ITPR1: variants seen among roughly 807,000 people sequenced by gnomAD.
ITPR1 encodes inositol 1,4,5-trisphosphate-gated calcium channel ITPR1.
ITPR1 carries 96 observed loss-of-function variants against 318.4 expected under a neutral mutation model. The observed-to-expected ratio is 0.30, with a 90% CI of 0.26 to 0.36. The LOEUF (loss-of-function observed/expected upper bound fraction) is 0.36, where lower values mean the gene tolerates loss of function less well. Ranked by LOEUF, ITPR1 falls within the 10% of genes least tolerant of loss-of-function variation. The pLI, the probability that ITPR1 is intolerant of heterozygous loss-of-function variation, is 1.00. For missense variants in ITPR1, 2,440 were observed against 3,460.2 expected, an observed-to-expected ratio of 0.71 and a Z score of 7.40; for synonymous variants, 1,312 against 1,289.9, an observed-to-expected ratio of 1.02 and a Z score of -0.37.
chr3:4,753,544 A>G (rs777221295), intron 44 of ITPR1, among the ~76,000 whole-genome samples: 1 of 152,104 alleles, frequency 6.6e-6, no homozygotes, highest in Non-Finnish European at 1.5e-5. Flanking sequence ...GTGGGGAGAC[A>G]TGAAGAGTCC....
chr3:4,565,630 A>G (rs1260396694), intron 4 of ITPR1, among the ~76,000 whole-genome samples: 1 of 152,228 alleles, frequency 6.6e-6, no homozygotes, highest in African/African-American at 2.4e-5. Flanking sequence ...GTTCCCACAG[A>G]GAGCAGGCTG....
chr3:4,665,747 C>T (rs184634308), intron 17 of ITPR1, among the ~76,000 whole-genome samples: 1 of 152,216 alleles, frequency 6.6e-6, no homozygotes, highest in African/African-American at 2.4e-5. Flanking sequence ...ATATCTTATA[C>T]ATAGTTATAT....
intron 42 of ITPR1, among the ~76,000 whole-genome samples, chr3:4,730,868 C>T (rs570913481): frequency 3.3e-5 from 5 of 152,218 alleles, no homozygotes; most frequent in Admixed American, 6.5e-5. Flanking sequence ...TTCAGATTCC[C>T]GTTGCGATGG....
At chr3:4,535,577 G>C (rs2083795594) in intron 4 of ITPR1, among the ~76,000 whole-genome samples, 2 of 151,202 alleles carry the variant, frequency 1.3e-5, no homozygotes. Flanking sequence ...CGAGTAGCTG[G>C]GACTACAGGT....
intron 61 of ITPR1, among the ~76,000 whole-genome samples, chr3:4,843,377 T>G (rs2106555438): frequency 6.6e-6 from 1 of 152,294 alleles, no homozygotes; most frequent in South Asian, 2.1e-4. Flanking sequence ...AAGTATATAC[T>G]CAAAATGATC....
chr3:4,640,685 A>G (rs966567224), intron 6 of ITPR1, among the ~76,000 whole-genome samples: 2 of 152,244 alleles, frequency 1.3e-5, no homozygotes, highest in Non-Finnish European at 2.9e-5. Flanking sequence ...AAATCTTGCC[A>G]TGTATCACTT....
chr3:4,738,730 AT>A (rs2043470098), intron 44 of ITPR1, among the ~76,000 whole-genome samples: 1 of 151,858 alleles, frequency 6.6e-6, no homozygotes, highest in African/African-American at 2.4e-5. Context: ...TAAGGTCATT[AT>A]GAATATTAGT....
At chr3:4,708,817 A>G (rs759843594) in intron 37 of ITPR1, among the ~76,000 whole-genome samples, 2 of 152,236 alleles carry the variant, frequency 1.3e-5, no homozygotes, top group Admixed American at 1.3e-4. Flanking sequence ...AAGTTGTAAT[A>G]TAAGAAATTC....
chr3:4,766,770 C>A, intron 45 of ITPR1, 60 bp downstream of exon 45: 9 of 1,347,318 alleles, frequency 6.7e-6, no homozygotes, highest in Non-Finnish European at 9.1e-6. Context: ...TCCTTGTTAT[C>A]CTTCATTGTT....
chr3:4,780,256 CT>C (rs1303416613), intron 49 of ITPR1, among the ~76,000 whole-genome samples: 1 of 152,140 alleles, frequency 6.6e-6, no homozygotes, highest in Non-Finnish European at 1.5e-5. Context: ...TTTTTCTTTC[CT>C]CGTTTGCTGC....
At chr3:4,716,229 C>T (rs545603089) in intron 39 of ITPR1, among the ~76,000 whole-genome samples, 1 of 152,242 alleles carries the variant, frequency 6.6e-6, no homozygotes, top group African/African-American at 2.4e-5. Flanking sequence ...AATAACCTCC[C>T]ACAGCTAAAT....
intron 39 of ITPR1, among the ~76,000 whole-genome samples, chr3:4,714,149 G>A (rs929143870): frequency 6.6e-6 from 1 of 152,114 alleles, no homozygotes; most frequent in African/African-American, 2.4e-5. Flanking sequence ...TGGCTGCCCC[G>A]TTTGACTAAA....
rs781081369 is a variant in ITPR1, at chr3:4,665,175, G to A, written c.1592G>A (p.Gly531Asp). The A allele has an allele frequency of 6.2e-7, 1 of 1,614,038 alleles. No homozygotes were observed. Among genetic ancestry groups the A allele is most frequent in the South Asian group, 1.1e-5 (1 of 91,082 alleles). The change falls in exon 17 of 62, where the codon GGT becomes GAT. Residue 531 changes from glycine to aspartate, a missense_variant. Physicochemically the swap from Gly to Asp is moderately conservative, Grantham distance 94 (BLOSUM62 -1). Coordinates refer to ENST00000649015, the MANE Select transcript of ITPR1 (RefSeq NM_001378452.1). ...KLLQAPFTDCGDGPMLRLEEL... is the reference protein window; with the variant it reads ...KLLQAPFTDCDDGPMLRLEEL... ...TTACAAGCCCCATTCACAGACTGCG[G>A]TGATGGCCCAATGCTTCGGCTGGAA...
In ITPR1 at chr3:4,775,271, C is replaced by G; in HGVS notation, c.6009C>G (p.Thr2003=). 1 of 1,614,064 alleles carries G rather than the reference C, an allele frequency of 6.2e-7. No individual in the cohort carries two copies. Among genetic ancestry groups the G allele is most frequent in the Non-Finnish European group, 8.5e-7 (1 of 1,179,932 alleles). Residue 2003 remains threonine (T), a synonymous_variant, in exon 47 of 62, where the codon ACC becomes ACG. Coordinates refer to ENST00000649015, the MANE Select transcript of ITPR1 (RefSeq NM_001378452.1). ...TCCTCCGTTGCCAAAATAACAAGAC[C>G]AACTACAATTTGGTATGTGAGACCC... ...QNFLRCQNNK[T]NYNLVCETLQ...
chr3:4,792,027 T>A (rs1358721807), intron 52 of ITPR1, among the ~76,000 whole-genome samples: 1 of 152,228 alleles, frequency 6.6e-6, no homozygotes, highest in Non-Finnish European at 1.5e-5. Context: ...GTGTTCCTTC[T>A]GAAGGCCATA....
chr3:4,696,633 C>T (rs2094561875), intron 33 of ITPR1, among the ~76,000 whole-genome samples: 1 of 148,688 alleles, frequency 6.7e-6, no homozygotes, highest in South Asian at 2.1e-4. Flanking sequence ...TTAATTTCTA[C>T]GTCCTTGCTT....
At chr3:4,844,978 T>C (rs1242289688) in intron 61 of ITPR1, among the ~76,000 whole-genome samples, 2 of 152,222 alleles carry the variant, frequency 1.3e-5, no homozygotes, top group East Asian at 3.8e-4. Flanking sequence ...AATGAGTTCA[T>C]GTGAAAAGTG....
intron 13 of ITPR1, among the ~76,000 whole-genome samples, chr3:4,660,569 C>T (rs2093810503): frequency 6.6e-6 from 1 of 151,972 alleles, no homozygotes. Context: ...TTAGTAAATA[C>T]TCATTTTTTT....
At chr3:4,509,963 G>A (rs937091908) in intron 2 of ITPR1, among the ~76,000 whole-genome samples, 2 of 152,240 alleles carry the variant, frequency 1.3e-5, no homozygotes, top group Non-Finnish European at 2.9e-5. Context: ...TTGCAGTCTA[G>A]TGGAGAAGAC....
Sources: allele counts gnomAD v4.1 joint callset (sites outside exome capture counted in the v4.1 genomes callset), GRCh38; gene constraint gnomAD v4.1.1; transcripts MANE v1.5; gene names NCBI Gene and HGNC (gene_info 2026-07-23, HGNC 2026-07-21).